Variants in TBX20 observed in about 807,000 individuals in gnomAD.
The protein encoded by TBX20 is T-box transcription factor TBX20.
TBX20 carries 8 observed loss-of-function variants against 42.9 expected under a neutral mutation model. That is an observed-to-expected ratio of 0.19 (90% CI 0.11 to 0.34). The LOEUF (loss-of-function observed/expected upper bound fraction) is 0.34, where lower values mean the gene tolerates loss of function less well. Among genes scored for constraint, TBX20 ranks in the 10% least tolerant of loss-of-function variants. The pLI is 1.00. For missense variants in TBX20, 411 were observed against 566.0 expected (o/e 0.73, Z 2.78); for synonymous variants, 198 against 222.8 (o/e 0.89, Z 0.99).
At chr7:35,243,175 G>A (rs1327779278) in intron 4 of TBX20, among the ~76,000 whole-genome samples, 1 of 152,016 alleles carries the variant, frequency 6.6e-6, no homozygotes, top group African/African-American at 2.4e-5. Flanking sequence ...TCATAGAGAT[G>A]GGGTCTCTCT....
intron 6 of TBX20, among the ~76,000 whole-genome samples, chr7:35,222,296 G>A (rs1422643758): frequency 6.6e-6 from 1 of 152,088 alleles, no homozygotes; most frequent in Non-Finnish European, 1.5e-5. Flanking sequence ...CATGGCACAT[G>A]TGGAGTGTTG....
intron 6 of TBX20, among the ~76,000 whole-genome samples, chr7:35,230,922 A>G (rs1789855646): frequency 6.6e-6 from 1 of 152,226 alleles, no homozygotes; most frequent in African/African-American, 2.4e-5. Flanking sequence ...AATGGTCTCA[A>G]ACTGCATGAA....
chr7:35,213,215 T>C (rs1173860105), intron 6 of TBX20, among the ~76,000 whole-genome samples: 1 of 152,234 alleles, frequency 6.6e-6, no homozygotes, highest in Non-Finnish European at 1.5e-5. Context: ...TTTCAGGAAA[T>C]AGGGTATATT....
intron 6 of TBX20, among the ~76,000 whole-genome samples, chr7:35,208,533 G>A (rs1397809535): frequency 2.0e-5 from 3 of 151,710 alleles, no homozygotes; most frequent in Non-Finnish European, 4.4e-5. Context: ...ACCTGAGGTC[G>A]GGAGTTCAAG....
At chr7:35,239,107 A>G (rs1157794623) in intron 5 of TBX20, among the ~76,000 whole-genome samples, 1 of 152,084 alleles carries the variant, frequency 6.6e-6, no homozygotes, top group Non-Finnish European at 1.5e-5. Flanking sequence ...CCACTGGTGA[A>G]ATGAAATCTA....
intron 6 of TBX20, among the ~76,000 whole-genome samples, chr7:35,229,361 G>A (rs1455363951): frequency 6.6e-6 from 1 of 151,876 alleles, no homozygotes; most frequent in Non-Finnish European, 1.5e-5. Flanking sequence ...AATTTCTTTA[G>A]GTCTCTAAAG....
intron 6 of TBX20, among the ~76,000 whole-genome samples, chr7:35,216,159 A>G (rs1789586613): frequency 6.6e-6 from 1 of 152,104 alleles, no homozygotes; most frequent in South Asian, 2.1e-4. Flanking sequence ...AGGGGTTCTC[A>G]GACTTTAGTG....
chr7:35,245,516 T>C (rs1790166626), intron 3 of TBX20, among the ~76,000 whole-genome samples: 1 of 152,192 alleles, frequency 6.6e-6, no homozygotes, highest in African/African-American at 2.4e-5. Context: ...GAAAATAATT[T>C]TAGAGAATCC....
intron 5 of TBX20, among the ~76,000 whole-genome samples, chr7:35,236,102 C>A (rs542440246): frequency 4.8e-4 from 73 of 152,140 alleles, no homozygotes; most frequent in Middle Eastern, 3.4e-3. Flanking sequence ...CTCACAAAAA[C>A]CAGAGAAAGA....
rs1353804101 is a variant in TBX20, at chr7:35,254,031, G to A, written c.-411C>T. The A allele has an allele frequency of 6.3e-6, 1 of 159,958 alleles. No homozygotes were observed. Among genetic ancestry groups the A allele is most frequent in the Non-Finnish European group, 1.4e-5 (1 of 73,174 alleles). The allele number at this position is 159,958 out of a possible 1,614,324, so 9.9% of individuals were successfully genotyped here. ...CAGCCGGGATGTCCCAGGCTGAGGT[G>A]GCCACCAGCCGAGCGCGGCTGCTAG... On this transcript the variant is annotated 5_prime_UTR_variant, in exon 1 of 8. Coordinates refer to ENST00000408931, the MANE Select transcript of TBX20 (RefSeq NM_001077653.2).
intron 6 of TBX20, among the ~76,000 whole-genome samples, chr7:35,213,081 A>AT: frequency 6.6e-6 from 1 of 152,134 alleles, no homozygotes; most frequent in African/African-American, 2.4e-5. Flanking sequence ...CTCAGGAAAT[A>AT]AGCTGCATCA....
intron 5 of TBX20, among the ~76,000 whole-genome samples, chr7:35,233,405 A>T (rs1381822898): frequency 6.6e-6 from 1 of 152,248 alleles, no homozygotes; most frequent in Non-Finnish European, 1.5e-5. Context: ...TAGCTATGCT[A>T]TGAGCATTGG....
At chr7:35,246,294 TAGG>T (rs148008647) in intron 3 of TBX20, among the ~76,000 whole-genome samples, 1,696 of 152,336 alleles carry the variant, frequency 0.011, 29 homozygotes, top group African/African-American at 0.039. Context: ...CCACTGTTTT[TAGG>T]AGGATTGCTC....
chr7:35,253,505 A>T lies in TBX20; in HGVS notation c.116T>A (p.Ile39Asn). The T allele has an allele frequency of 1.2e-6, 2 of 1,611,252 alleles. No homozygotes were observed. Among genetic ancestry groups the T allele is most frequent in the South Asian group, 1.1e-5 (1 of 90,650 alleles). ...SKEKEATENT[I>N]KPLEQFVEKS... ...GTAGCCCAACTTACCCAGGGGTTTG[A>T]TTGTGTTCTCCGTCGCCTCCTTCTC... Residue 39 changes from isoleucine (I) to asparagine (N), a missense_variant, in exon 1 of 8, where the codon ATC becomes AAC. Physicochemically the swap from Ile to Asn is moderately radical, Grantham distance 149 (BLOSUM62 -3). Coordinates refer to ENST00000408931, the MANE Select transcript of TBX20 (RefSeq NM_001077653.2).
At chr7:35,223,346 C>G (rs1290498018) in intron 6 of TBX20, among the ~76,000 whole-genome samples, 2 of 152,136 alleles carry the variant, frequency 1.3e-5, no homozygotes, top group African/African-American at 4.8e-5. Flanking sequence ...ATATTTGAAT[C>G]TGGAGAGGCC....
At chr7:35,207,754 A>C (rs1192209269) in intron 6 of TBX20, among the ~76,000 whole-genome samples, 1 of 152,180 alleles carries the variant, frequency 6.6e-6, no homozygotes, top group Non-Finnish European at 1.5e-5. Context: ...TCCATCACAT[A>C]CATGTGGGTC....
intron 5 of TBX20, among the ~76,000 whole-genome samples, chr7:35,237,846 G>A (rs1789996046): frequency 6.8e-6 from 1 of 146,230 alleles, no homozygotes; most frequent in East Asian, 2.0e-4. Context: ...CTGATGTGTG[G>A]TGTGAGCAGC....
intron 6 of TBX20, 133 bp from the exon 7 acceptor site, chr7:35,204,715 A>C (rs1423558169): frequency 1.1e-4 from 79 of 705,308 alleles, no homozygotes; most frequent in Non-Finnish European, 1.0e-5. Flanking sequence ...CAGAAAGATG[A>C]AATTCAAAAC....
chr7:35,244,161 G>A (rs1388790261), intron 4 of TBX20, among the ~76,000 whole-genome samples: 1 of 152,092 alleles, frequency 6.6e-6, no homozygotes, highest in East Asian at 1.9e-4. Flanking sequence ...AGTTTTCTTA[G>A]CATAAAATCT....
Sources: allele counts gnomAD v4.1 joint callset (sites outside exome capture counted in the v4.1 genomes callset), GRCh38; gene constraint gnomAD v4.1.1; transcripts MANE v1.5; gene names NCBI Gene and HGNC (gene_info 2026-07-23, HGNC 2026-07-21).